Variants in NRIP3 observed in about 807,000 individuals in gnomAD.
NRIP3 encodes the protein nuclear receptor-interacting protein 3.
Under a neutral mutation model 29.0 loss-of-function variants are expected in NRIP3, and 31 were observed. The ratio of observed to expected loss-of-function variants is 1.07; its 90% CI spans 0.80 to 1.44. The LOEUF (loss-of-function observed/expected upper bound fraction) is 1.44. Ranked by LOEUF, NRIP3 falls within the 40% of genes most tolerant of loss-of-function variation. The pLI is 0.00. For synonymous variants in NRIP3, 131 were observed against 118.3 expected (o/e 1.11, Z -0.70); for missense variants, 314 against 297.9 (o/e 1.05, Z -0.40).
chr11:8,995,151 C>T (rs996642827), intron 1 of NRIP3, among the ~76,000 whole-genome samples: 2 of 152,094 alleles, frequency 1.3e-5, no homozygotes, highest in African/African-American at 4.8e-5. Context: ...TCCTCTTCCC[C>T]CACAGTGGTT....
intron 1 of NRIP3, among the ~76,000 whole-genome samples, chr11:8,992,306 G>T (rs1854617480): frequency 6.6e-6 from 1 of 152,170 alleles, no homozygotes; most frequent in Non-Finnish European, 1.5e-5. Context: ...AGACTGATTA[G>T]TTGATAGCTT....
At chr11:8,987,656 A>G in intron 2 of NRIP3, 26 bp from the exon 3 acceptor site, 3 of 1,574,722 alleles carry the variant, frequency 1.9e-6, no homozygotes, top group East Asian at 2.2e-5. Flanking sequence ...GTACTGTTCA[A>G]TAAGAGCCAG....
intron 6 of NRIP3, 67 bp downstream of exon 6, chr11:8,983,808 C>G (rs955406100): frequency 6.0e-6 from 8 of 1,339,348 alleles, no homozygotes; most frequent in Non-Finnish European, 7.5e-6. Context: ...GTCTGAGAAC[C>G]ACCACCACCC....
rs1854441115 is a variant in NRIP3, at chr11:8,982,739, G to C, written c.*806C>G. On this transcript the variant is annotated 3_prime_UTR_variant, in exon 7 of 7. Transcript: ENST00000309166. ...GCCTAAATGTGACAGTTTGGGGCAAGGAACTTTTACTGGGCTTGGCACACA... is the reference window on the plus strand; with the variant it reads ...GCCTAAATGTGACAGTTTGGGGCAACGAACTTTTACTGGGCTTGGCACACA... 1 of 272,222 alleles carries C rather than the reference G, an allele frequency of 3.7e-6. No homozygotes were observed. The highest frequency in any genetic ancestry group is 7.2e-6 in the Non-Finnish European group (1 of 138,292). 16.9% of individuals were successfully genotyped at this position (272,222 alleles called of 1,614,324 possible). A position where few individuals can be genotyped will look rare whatever the true frequency, so the allele number is the denominator to read the frequency against.
chr11:8,987,635 G>T lies in NRIP3; in HGVS notation c.340-5C>A, dbSNP rs1454697535. ...TTTCACATCCTTTCCAGCACACTGT[G>T]GGGAGGAAATGTACTGTTCAATAAG... On this transcript the variant is annotated splice_region_variant and splice_polypyrimidine_tract_variant and intron_variant, in intron 2 of 6. Coordinates refer to ENST00000309166, the MANE Select transcript of NRIP3 (RefSeq NM_020645.3). The T allele has an allele frequency of 6.2e-7, 1 of 1,610,922 alleles. No homozygotes were observed. Among genetic ancestry groups the T allele is most frequent in the Non-Finnish European group, 8.5e-7 (1 of 1,177,148 alleles).
At chr11:8,988,711 T>A (rs917195135) in intron 1 of NRIP3, among the ~76,000 whole-genome samples, 1 of 152,210 alleles carries the variant, frequency 6.6e-6, no homozygotes, top group East Asian at 1.9e-4. Flanking sequence ...GGGCAGCTCA[T>A]TTTCATAGGC....
Position 8,988,161 on chromosome 11 carries a change from A to G in NRIP3, c.296T>C (p.Leu99Pro). 2.5e-6 allele frequency: 4 copies of G among 1,614,206 alleles called. No homozygotes were observed. The highest frequency in any genetic ancestry group is 3.4e-6 in the Non-Finnish European group (4 of 1,180,040). ...NKLNQAKSEG[L>P]KKSEEDDMIL... ...CATGTCATCCTCCTCAGACTTCTTT[A>G]GCCCCTCAGACTTAGCCTGATTGAG... Residue 99 changes from leucine (L) to proline (P), a missense_variant, in exon 2 of 7, where the codon CTA becomes CCA. Leu to Pro is a moderately conservative substitution (Grantham distance 98). Coordinates refer to ENST00000309166, the MANE Select transcript of NRIP3 (RefSeq NM_020645.3).
chr11:9,001,783 C>T (rs1854804398), intron 1 of NRIP3, among the ~76,000 whole-genome samples: 1 of 144,552 alleles, frequency 6.9e-6, no homozygotes, highest in Non-Finnish European at 1.5e-5. Context: ...CTACCTCGGT[C>T]TGCCTTGGTT....
At chr11:8,999,654 C>G (rs1252058835) in intron 1 of NRIP3, among the ~76,000 whole-genome samples, 1 of 152,180 alleles carries the variant, frequency 6.6e-6, no homozygotes, top group African/African-American at 2.4e-5. Context: ...ATCACCCTCC[C>G]CCTTGCTCAT....
chr11:9,003,860 G>A lies in NRIP3; in HGVS notation c.76C>T (p.Gln26Ter), dbSNP rs1268627820. 3 of 1,521,452 alleles carry A rather than the reference G, an allele frequency of 2.0e-6. No homozygotes were observed. Among genetic ancestry groups the A allele is most frequent in the South Asian group, 1.2e-5 (1 of 80,916 alleles). The allele number at this position is 1,521,452 out of a possible 1,614,324, so 94.2% of individuals were successfully genotyped here. The change falls in exon 1 of 7, where the codon CAG (glutamine) becomes TAG (stop). Residue 26 changes from glutamine to a stop codon, truncating the protein, a stop_gained. Transcript: ENST00000309166. LOFTEE classifies it high-confidence loss of function. ...TGCACCGCCTGCTTCATCCGGCGCT[G>A]CTGTCGCAGTGACGCCGCCTCCCGC... ...DMREAASLRQ[Q>*]RRMKQAVQFI...
intron 1 of NRIP3, among the ~76,000 whole-genome samples, chr11:8,994,020 A>C (rs1169760289): frequency 1.3e-5 from 2 of 152,166 alleles, no homozygotes; most frequent in Admixed American, 1.3e-4. Flanking sequence ...CCACAAGAAA[A>C]GCCAACTTAC....
chr11:8,984,690 G>C (rs1589958089), intron 4 of NRIP3, among the ~76,000 whole-genome samples: 1 of 152,208 alleles, frequency 6.6e-6, no homozygotes, highest in Non-Finnish European at 1.5e-5. Flanking sequence ...AGAACTTGGA[G>C]TAGTCAAGAG....
chr11:8,984,042 G>A (rs770088405), intron 5 of NRIP3, 30 bp downstream of exon 5: 1 of 1,605,798 alleles, frequency 6.2e-7, no homozygotes, highest in South Asian at 1.1e-5. Flanking sequence ...CAGAGAGGAA[G>A]TATCAAGGGG....
chr11:8,992,837 T>G (rs1313405202), intron 1 of NRIP3, among the ~76,000 whole-genome samples: 1 of 151,774 alleles, frequency 6.6e-6, no homozygotes, highest in Non-Finnish European at 1.5e-5. Flanking sequence ...TCACTGGAAC[T>G]CACCGTGGAG....
At chr11:8,983,622 G>T (rs1854458366) in intron 6 of NRIP3, 62 bp from the exon 7 acceptor site, 1 of 1,541,632 alleles carries the variant, frequency 6.5e-7, no homozygotes, top group Admixed American at 1.7e-5. Context: ...TAAGCTGAAG[G>T]CAAGTAAAAT....
chr11:8,983,313 T>C lies in NRIP3; in HGVS notation c.*232A>G, dbSNP rs1854451848. 3 of 580,576 alleles carry C rather than the reference T, an allele frequency of 5.2e-6. No homozygotes were observed. Among genetic ancestry groups the C allele is most frequent in the African/African-American group, 3.8e-5 (2 of 52,892 alleles). 36.0% of individuals were successfully genotyped at this position (580,576 alleles called of 1,614,324 possible). On this transcript the variant is annotated 3_prime_UTR_variant, in exon 7 of 7. Coordinates refer to ENST00000309166, the MANE Select transcript of NRIP3 (RefSeq NM_020645.3). ...GAGACTGGCAGTGTCAAAAAAGGTC[T>C]ATAAGTTAAGTGATCAAAGTAGTAA...
In NRIP3 at chr11:8,982,630, G is replaced by A. The variant is rs1854439237; in HGVS notation, c.*915C>T. ...GAGGGATTAATATTCCTCTGTCTGTGGTTCCTCCTTTCCTCCAAGAGGTTC... is the reference window on the plus strand; with the variant it reads ...GAGGGATTAATATTCCTCTGTCTGTAGTTCCTCCTTTCCTCCAAGAGGTTC... On this transcript the variant is annotated 3_prime_UTR_variant, in exon 7 of 7. Transcript: ENST00000309166. 1.0e-5 allele frequency: 2 copies of A among 200,790 alleles called. No homozygotes were observed. Among genetic ancestry groups the A allele is most frequent in the Admixed American group, 5.8e-5 (1 of 17,204 alleles). The allele number at this position is 200,790 out of a possible 1,614,324, so 12.4% of individuals were successfully genotyped here.
chr11:8,997,762 C>T (rs1251246865), intron 1 of NRIP3, among the ~76,000 whole-genome samples: 2 of 152,222 alleles, frequency 1.3e-5, no homozygotes, highest in South Asian at 2.1e-4. Flanking sequence ...TGAGAGGAAT[C>T]AGACTATAGT....
In NRIP3 at chr11:8,988,294, G is replaced by C; in HGVS notation, c.175-12C>G. ...ATATTATGAGGTTGCTTGAGGGATA[G>C]AAAGCAGAGACTTCTTAGTGACAGG... On this transcript the variant is annotated splice_polypyrimidine_tract_variant and intron_variant, in intron 1 of 6. Coordinates refer to ENST00000309166, the MANE Select transcript of NRIP3 (RefSeq NM_020645.3). 6.2e-7 allele frequency: 1 copy of C among 1,610,654 alleles called. No homozygotes were observed.
Sources: gnomAD v4.1 joint callset for allele counts (sites outside exome capture counted in the v4.1 genomes callset) on GRCh38, gnomAD v4.1.1 for gene constraint, MANE v1.5 for transcripts, NCBI Gene and HGNC (gene_info 2026-07-23, HGNC 2026-07-21) for gene names.